Variants in SGTA observed in about 807,000 individuals in gnomAD.
SGTA encodes the protein small glutamine-rich tetratricopeptide repeat-containing protein alpha.
A neutral mutation model predicts 44.3 loss-of-function variants in SGTA; 22 were observed. The observed-to-expected ratio is 0.50, with a 90% CI of 0.36 to 0.71. SGTA has a LOEUF of 0.71. Ranked by LOEUF, SGTA falls within the 30% of genes least tolerant of loss-of-function variation. SGTA has a pLI of 0.00. For missense variants in SGTA, 341 were observed against 435.9 expected, an observed-to-expected ratio of 0.78 and a Z score of 1.94; for synonymous variants, 174 against 177.6, an observed-to-expected ratio of 0.98 and a Z score of 0.16.
intron 8 of SGTA, chr19:2,759,511 G>T: frequency 1.8e-6 from 1 of 568,776 alleles, no homozygotes; most frequent in South Asian, 2.1e-5. Flanking sequence ...TCCTGTTTTG[G>T]GTTCCTGCTT....
chr19:2,778,997 G>C (rs543631347), intron 1 of SGTA, among the ~76,000 whole-genome samples: 3 of 152,072 alleles, frequency 2.0e-5, no homozygotes, highest in African/African-American at 7.2e-5. Flanking sequence ...ATCTTGGGTG[G>C]ATGATTCTGT....
At chr19:2,775,434 C>T (rs372406626) in intron 1 of SGTA, among the ~76,000 whole-genome samples, 2 of 152,244 alleles carry the variant, frequency 1.3e-5, no homozygotes, top group Non-Finnish European at 1.5e-5. Flanking sequence ...CAGATGACAC[C>T]GGCGACGTGG....
chr19:2,775,409 G>A (rs1915423282), intron 1 of SGTA, among the ~76,000 whole-genome samples: 1 of 152,226 alleles, frequency 6.6e-6, no homozygotes, highest in Non-Finnish European at 1.5e-5. Flanking sequence ...TTTAAACAGT[G>A]GCTGACGTCA....
rs1011285895 is a variant in SGTA, at chr19:2,761,136, G to A, written c.699+324C>T. ...CGAGGAGGAGCCCACGCCAGGGTGG[G>A]GTGGGGGTGTGACCTCCCTGGGCTC... On this transcript the variant is annotated intron_variant, in intron 8 of 11. Coordinates refer to ENST00000221566, the MANE Select transcript of SGTA (RefSeq NM_003021.4). The surrounding 1 kb of genome is among the most constrained non-coding windows in gnomAD (Gnocchi z 5.7). Among the ~76,000 whole-genome samples the A allele has an allele frequency of 2.6e-5, 4 of 152,210 alleles. No homozygotes were observed. Among genetic ancestry groups the A allele is most frequent in the African/African-American group, 9.6e-5 (4 of 41,454 alleles).
rs2144731402 is a variant in SGTA, at chr19:2,769,059, T to C, written c.10A>G (p.Lys4Glu). 1.9e-6 allele frequency: 3 copies of C among 1,613,720 alleles called. No homozygotes were observed. The South Asian group carries it at 3.3e-5, about 18-fold the overall frequency. MDN[K>E]KRLAYAIIQF... Reference sequence around the variant, plus strand: ...ATGATGGCGTAGGCCAGGCGCTTCTTGTTGTCCATCTTGAGCCCAGAAGAG... The same window carrying C: ...ATGATGGCGTAGGCCAGGCGCTTCTCGTTGTCCATCTTGAGCCCAGAAGAG... Residue 4 changes from lysine to glutamate, a missense_variant, in exon 2 of 12, where the codon AAG becomes GAG. Transcript: ENST00000221566.
At chr19:2,766,677 C>A (rs1915150188) in intron 4 of SGTA, among the ~76,000 whole-genome samples, 1 of 152,158 alleles carries the variant, frequency 6.6e-6, no homozygotes, top group South Asian at 2.1e-4. Context: ...CTCAGGCAAT[C>A]TGCCCGCCTC....
rs1915102308 is a variant in SGTA, at chr19:2,765,145, C to CA, written c.392+40dup. Reference sequence around the variant, plus strand: ...CTAAGCATCCCGGAGGACGCCCCCGCACCCGGCCGCCCCTGCCCTGGGCAG... The same window carrying CA: ...CTAAGCATCCCGGAGGACGCCCCCGCAACCCGGCCGCCCCTGCCCTGGGCAG... On this transcript the variant is annotated intron_variant, in intron 5 of 11. Transcript: ENST00000221566. This position sits in a 1 kb window ranked among gnomAD's most constrained non-coding sequence, Gnocchi z 5.5. 2.0e-6 allele frequency: 3 copies of CA among 1,469,824 alleles called. No individual in the cohort carries two copies. Among genetic ancestry groups the CA allele is most frequent in the Non-Finnish European group, 2.9e-6 (3 of 1,049,370 alleles). The allele number at this position is 1,469,824 out of a possible 1,614,324, so 91.0% of individuals were successfully genotyped here.
chr19:2,759,234 G>A (rs201296181), intron 9 of SGTA, 23 bp downstream of exon 9: 160 of 1,612,014 alleles, frequency 9.9e-5, no homozygotes, highest in Non-Finnish European at 1.3e-4. Flanking sequence ...AACAAGACCC[G>A]AAGAAACCCG....
In SGTA at chr19:2,763,719, G is replaced by T; in HGVS notation, c.431C>A (p.Ala144Glu). ...GATGGCCCGCTCACAGTCCTGCACC[G>T]CGCCTGCGTAGTTGCCGAGTTTGCT... The part of the protein sequence containing the change: ...AYSKLGNYAG[A>E]VQDCERAICI... Residue 144 changes from alanine (A) to glutamate (E), a missense_variant, in exon 6 of 12, where the codon GCG (alanine) becomes GAG (glutamate). Physicochemically the swap from Ala to Glu is moderately radical, Grantham distance 107. Transcript: ENST00000221566. This position sits in a 1 kb window ranked among gnomAD's most constrained non-coding sequence, Gnocchi z 5.8. 6.2e-7 allele frequency: 1 copy of T among 1,613,810 alleles called. No homozygotes were observed. Among genetic ancestry groups the T allele is most frequent in the Non-Finnish European group, 8.5e-7 (1 of 1,179,960 alleles).
At chr19:2,768,887 C>A (rs2144731134) in intron 2 of SGTA, 82 bp downstream of exon 2, 1 of 991,706 alleles carries the variant, frequency 1.0e-6, no homozygotes, top group Non-Finnish European at 1.6e-6. Context: ...GGGGACCAGG[C>A]ATCTACACAC....
intron 7 of SGTA, among the ~76,000 whole-genome samples, chr19:2,762,249 C>A (rs1297781613): frequency 6.6e-6 from 1 of 152,196 alleles, no homozygotes; most frequent in African/African-American, 2.4e-5. Context: ...AAACCCACAT[C>A]GAGGGTCCTT....
intron 7 of SGTA, 102 bp downstream of exon 7, chr19:2,762,399 TCACGA>T: frequency 1.7e-6 from 2 of 1,172,906 alleles, no homozygotes; most frequent in African/African-American, 3.0e-5. Context: ...CCCCGGACCC[TCACGA>T]CACCCAGGTT....
At chr19:2,758,257 G>A (rs1014980533) in intron 9 of SGTA, among the ~76,000 whole-genome samples, 7 of 152,176 alleles carry the variant, frequency 4.6e-5, no homozygotes, top group Admixed American at 6.5e-5. Context: ...GGCCAGCCGC[G>A]GTGGCTCACA....
chr19:2,755,830 C>G lies in SGTA; in HGVS notation c.*110G>C. The G allele has an allele frequency of 3.0e-6, 3 of 985,536 alleles. No homozygotes were observed. Among genetic ancestry groups the G allele is most frequent in the Non-Finnish European group, 3.6e-6 (3 of 830,002 alleles). The allele number at this position is 985,536 out of a possible 1,614,324, so 61.0% of individuals were successfully genotyped here. ...CCATCTTGACATGCAGGTCCGAGGT[C>G]TCTCTCTTCCCCTCTCTCAGGCAGT... On this transcript the variant is annotated 3_prime_UTR_variant, in exon 12 of 12. Coordinates refer to ENST00000221566, the MANE Select transcript of SGTA (RefSeq NM_003021.4). This position sits in a 1 kb window ranked among gnomAD's most constrained non-coding sequence, Gnocchi z 5.2.
At chr19:2,770,605 G>C (rs1915280188) in intron 1 of SGTA, 2 of 153,306 alleles carry the variant, frequency 1.3e-5, no homozygotes, top group Admixed American at 6.5e-5. Context: ...CAAGTTCTGG[G>C]CTAGTCACGT....
At chr19:2,778,257 G>A (rs969430325) in intron 1 of SGTA, among the ~76,000 whole-genome samples, 38 of 152,118 alleles carry the variant, frequency 2.5e-4, no homozygotes, top group African/African-American at 6.8e-4. Flanking sequence ...GCGTTCCTTC[G>A]CAGGGAACTA....
chr19:2,766,310 T>C (rs974629708), intron 4 of SGTA, among the ~76,000 whole-genome samples: 2 of 152,226 alleles, frequency 1.3e-5, no homozygotes, highest in African/African-American at 4.8e-5. Context: ...GCATCTGCGC[T>C]GGGGCCTGGG....
chr19:2,778,078 G>A (rs2144742160), intron 1 of SGTA: 1 of 152,092 alleles, frequency 6.6e-6, no homozygotes, highest in East Asian at 1.9e-4. Context: ...CTAGAAGGCG[G>A]GGGTCACAGC....
chr19:2,760,532 A>AACC (rs1914958293), intron 8 of SGTA, among the ~76,000 whole-genome samples: 1 of 151,360 alleles, frequency 6.6e-6, no homozygotes, highest in African/African-American at 2.4e-5. Flanking sequence ...AAAAAAAAAA[A>AACC]AAAAAAAACC....
Sources: gnomAD v4.1 joint callset for allele counts (sites outside exome capture counted in the v4.1 genomes callset) on GRCh38, gnomAD v4.1.1 for gene constraint, Gnocchi (gnomAD v3.1) non-coding constraint, MANE v1.5 for transcripts, NCBI Gene and HGNC (gene_info 2026-07-23, HGNC 2026-07-21) for gene names.